CSMD1: variants seen among roughly 807,000 people sequenced by gnomAD.
CSMD1 encodes CUB and sushi domain-containing protein 1.
Under a neutral mutation model 417.5 loss-of-function variants are expected in CSMD1, and 213 were observed. The observed-to-expected ratio is 0.51, with a 90% confidence interval of 0.46 to 0.57. CSMD1 has a LOEUF of 0.57. Among genes scored for constraint, CSMD1 ranks in the 20% least tolerant of loss-of-function variants. The pLI is 0.00. For synonymous variants in CSMD1, 2,862 were observed against 1,736.8 expected (o/e 1.65, Z -16.11); for missense variants, 6,923 against 4,529.7 (o/e 1.53, Z -15.17).
intron 1 of CSMD1, among the ~76,000 whole-genome samples, chr8:4,752,795 G>A (rs542272118): frequency 1.3e-5 from 2 of 152,224 alleles, no homozygotes; most frequent in African/African-American, 4.8e-5. Context: ...AGGAGAGAAG[G>A]CATCAGTACC....
intron 6 of CSMD1, among the ~76,000 whole-genome samples, chr8:3,742,847 A>G (rs1796881064): frequency 6.6e-6 from 1 of 152,252 alleles, no homozygotes. Context: ...TTCACTGTGA[A>G]GAGTTACTTC....
At chr8:3,423,116 C>G (rs1231592954) in intron 12 of CSMD1, among the ~76,000 whole-genome samples, 2 of 152,138 alleles carry the variant, frequency 1.3e-5, no homozygotes, top group East Asian at 3.8e-4. Context: ...CTTATTATTA[C>G]TCATCATAGT....
At chr8:4,431,069 C>T (rs373419672) in intron 2 of CSMD1, among the ~76,000 whole-genome samples, 1 of 152,052 alleles carries the variant, frequency 6.6e-6, no homozygotes, top group East Asian at 1.9e-4. Flanking sequence ...ATTTTATTTT[C>T]TTCTATGATC....
chr8:3,793,720 T>C (rs1177364636), intron 5 of CSMD1, among the ~76,000 whole-genome samples: 1 of 152,186 alleles, frequency 6.6e-6, no homozygotes, highest in South Asian at 2.1e-4. Flanking sequence ...ATTTGTGGTC[T>C]TGTGCACTTT....
chr8:4,374,170 C>G (rs1452037185), intron 3 of CSMD1, among the ~76,000 whole-genome samples: 2 of 152,082 alleles, frequency 1.3e-5, no homozygotes, highest in Non-Finnish European at 2.9e-5. Context: ...CCTTTTAGAT[C>G]CCCCCTCTGA....
At chr8:4,418,152 G>C (rs879693673) in intron 3 of CSMD1, among the ~76,000 whole-genome samples, 3 of 151,332 alleles carry the variant, frequency 2.0e-5, no homozygotes, top group Non-Finnish European at 2.9e-5. Flanking sequence ...TTAAATAGAG[G>C]TTTGTCTTCA....
intron 2 of CSMD1, among the ~76,000 whole-genome samples, chr8:4,460,911 A>G (rs1169270859): frequency 6.6e-6 from 1 of 152,182 alleles, no homozygotes; most frequent in African/African-American, 2.4e-5. Flanking sequence ...TCACATTCCA[A>G]CTTATTTTAT....
chr8:4,030,886 T>C (rs1036569447), intron 4 of CSMD1, among the ~76,000 whole-genome samples: 1 of 152,192 alleles, frequency 6.6e-6, no homozygotes, highest in Non-Finnish European at 1.5e-5. Context: ...ATCATCTCTC[T>C]CAAGTTCAAA....
chr8:4,124,825 C>G (rs1279395564), intron 3 of CSMD1, among the ~76,000 whole-genome samples: 2 of 151,892 alleles, frequency 1.3e-5, no homozygotes, highest in African/African-American at 4.8e-5. Flanking sequence ...CCAATCAGGC[C>G]CACCAACCCA....
At chr8:3,607,560 G>C (rs2117114959) in intron 8 of CSMD1, among the ~76,000 whole-genome samples, 1 of 152,322 alleles carries the variant, frequency 6.6e-6, no homozygotes, top group African/African-American at 2.4e-5. Flanking sequence ...GGACTGCTCT[G>C]TGCTGGGAGG....
chr8:3,092,198 T>G (rs1056839658), intron 47 of CSMD1, among the ~76,000 whole-genome samples: 2 of 151,982 alleles, frequency 1.3e-5, no homozygotes, highest in African/African-American at 4.8e-5. Flanking sequence ...TAATTTGGAG[T>G]TTTAAAAAAA....
intron 2 of CSMD1, among the ~76,000 whole-genome samples, chr8:4,422,124 G>A (rs972419261): frequency 1.3e-5 from 2 of 152,072 alleles, no homozygotes; most frequent in Non-Finnish European, 2.9e-5. Flanking sequence ...TTATCCTATA[G>A]CTATTAAAAC....
chr8:3,725,682 C>T (rs1205891894), intron 6 of CSMD1, among the ~76,000 whole-genome samples: 1 of 150,110 alleles, frequency 6.7e-6, no homozygotes, highest in East Asian at 2.0e-4. Flanking sequence ...TCAGATGTGG[C>T]AGGGGCAGCC....
At chr8:3,838,449 A>C (rs1362197641) in intron 5 of CSMD1, among the ~76,000 whole-genome samples, 1 of 149,058 alleles carries the variant, frequency 6.7e-6, no homozygotes, top group Non-Finnish European at 1.5e-5. Flanking sequence ...AGTATAGACT[A>C]TACATATATA....
chr8:4,109,619 A>G (rs1382081901), intron 3 of CSMD1, among the ~76,000 whole-genome samples: 3 of 152,206 alleles, frequency 2.0e-5, no homozygotes, highest in African/African-American at 7.2e-5. Context: ...GTTGGAATCA[A>G]AAGCTCTAGA....
At chr8:3,384,694 T>C (rs1183524235) in intron 18 of CSMD1, among the ~76,000 whole-genome samples, 2 of 118,252 alleles carry the variant, frequency 1.7e-5, no homozygotes, top group East Asian at 2.2e-4. Flanking sequence ...TATATATTTA[T>C]ATAAATTATA....
chr8:3,641,577 T>C (rs1033086998), intron 7 of CSMD1, among the ~76,000 whole-genome samples: 1 of 152,130 alleles, frequency 6.6e-6, no homozygotes, highest in Non-Finnish European at 1.5e-5. Flanking sequence ...CTTTCAGAAA[T>C]CATGATTTAT....
At chr8:3,199,990 G>C (rs1796909278) in intron 32 of CSMD1, among the ~76,000 whole-genome samples, 181 bp from the exon 33 acceptor site, 1 of 152,102 alleles carries the variant, frequency 6.6e-6, no homozygotes, top group Admixed American at 6.6e-5. Flanking sequence ...CTCTGTCCTA[G>C]GCAAGAATAG....
intron 4 of CSMD1, among the ~76,000 whole-genome samples, chr8:4,013,949 T>C (rs1328951619): frequency 1.3e-5 from 2 of 152,192 alleles, no homozygotes; most frequent in African/African-American, 2.4e-5. Flanking sequence ...TTGATAAGTG[T>C]ATGTAATACT....
Sources: gnomAD v4.1 joint callset for allele counts (sites outside exome capture counted in the v4.1 genomes callset) on GRCh38, gnomAD v4.1.1 for gene constraint, MANE v1.5 for transcripts, NCBI Gene and HGNC (gene_info 2026-07-23, HGNC 2026-07-21) for gene names.